The following NEDD1 variants were observed in gnomAD, a reference collection of about 807,000 sequenced individuals.
NEDD1 encodes protein NEDD1.
Under a neutral mutation model 74.0 loss-of-function variants are expected in NEDD1, and 33 were observed. That is an observed-to-expected ratio of 0.45 (90% CI 0.34 to 0.60). NEDD1 has a LOEUF of 0.60. Ranked by LOEUF, NEDD1 falls within the 20% of genes least tolerant of loss-of-function variation. NEDD1 has a pLI of 0.01. For synonymous variants in NEDD1, 250 were observed against 264.4 expected (o/e 0.95, Z 0.53); for missense variants, 746 against 776.5 (o/e 0.96, Z 0.47).
In NEDD1 at chr12:96,935,032, G is replaced by A. The variant is rs770323459; in HGVS notation, c.546G>A (p.Ser182=). 11 of 1,612,268 alleles carry A rather than the reference G, an allele frequency of 6.8e-6. No homozygotes were observed. Among genetic ancestry groups the A allele is most frequent in the East Asian group, 6.7e-5 (3 of 44,880 alleles). ...AGAAATCACTACTGGGCAGTGTTTCGGATAATGGAATAGTAACTCTCTGGG... is the reference window on the plus strand; with the variant it reads ...AGAAATCACTACTGGGCAGTGTTTCAGATAATGGAATAGTAACTCTCTGGG... The part of the protein sequence containing the change: ...LFKKSLLGSV[S]DNGIVTLWDV... Residue 182 remains serine, a synonymous_variant, in exon 7 of 16, where the codon TCG becomes TCA. Coordinates refer to ENST00000266742, the MANE Select transcript of NEDD1 (RefSeq NM_152905.4).
intron 6 of NEDD1, chr12:96,924,979 C>T (rs1019286197): frequency 2.9e-6 from 1 of 342,384 alleles, no homozygotes; most frequent in Non-Finnish European, 5.7e-6. Flanking sequence ...TATTAGGGTG[C>T]TGTATATTGT....
At position 96,912,662 on chromosome 12, in the gene NEDD1, A is replaced by C. The variant is rs561290931; in HGVS notation, c.137-61A>C. On this transcript the variant is annotated intron_variant, in intron 3 of 15. Coordinates refer to ENST00000266742, the MANE Select transcript of NEDD1 (RefSeq NM_152905.4). Reference sequence around the variant, plus strand: ...GTTAGCTTTTATAATCGCAATTCTTATAATAGTCTAGTGCTATAGATGTTC... The same window carrying C: ...GTTAGCTTTTATAATCGCAATTCTTCTAATAGTCTAGTGCTATAGATGTTC... 5 of 792,300 alleles carry C rather than the reference A, an allele frequency of 6.3e-6. No individual in the cohort carries two copies. The South Asian group carries it at 7.5e-5, about 12-fold the overall frequency. The allele number at this position is 792,300 out of a possible 1,614,324, so 49.1% of individuals were successfully genotyped here.
At chr12:96,914,714 A>G in intron 4 of NEDD1, among the ~76,000 whole-genome samples, 1 of 152,240 alleles carries the variant, frequency 6.6e-6, no homozygotes. Flanking sequence ...TTAAGTTCAT[A>G]TTTATTTTCT....
chr12:96,914,881 G>A (rs1874281676), intron 4 of NEDD1, among the ~76,000 whole-genome samples: 1 of 152,128 alleles, frequency 6.6e-6, no homozygotes, highest in Admixed American at 6.5e-5. Flanking sequence ...TATCAACAGG[G>A]TTAGCCAGCT....
chr12:96,922,919 A>C (rs180961978), intron 6 of NEDD1, among the ~76,000 whole-genome samples: 14 of 152,104 alleles, frequency 9.2e-5, no homozygotes, highest in African/African-American at 2.7e-4. Flanking sequence ...GTTCAAGACC[A>C]CCTTGGGCAA....
Position 96,937,221 on chromosome 12 carries a change from A to G in NEDD1, c.945A>G (p.Ser315=). The G allele has an allele frequency of 1.9e-6, 3 of 1,602,586 alleles. No homozygotes were observed. Among genetic ancestry groups the G allele is most frequent in the Non-Finnish European group, 2.6e-6 (3 of 1,174,640 alleles). ...LTKSSLNKGC[S]NKPTTVNKRS... ...AGTCAAGTTTAAATAAAGGCTGTTCAAATAAGCCCACAACAGTGAACAAAC... is the reference window on the plus strand; with the variant it reads ...AGTCAAGTTTAAATAAAGGCTGTTCGAATAAGCCCACAACAGTGAACAAAC... Residue 315 remains serine, a synonymous_variant, in exon 9 of 16, where the codon TCA becomes TCG. Transcript: ENST00000266742.
At chr12:96,931,395 A>G (rs1489805693) in intron 6 of NEDD1, among the ~76,000 whole-genome samples, 1 of 152,190 alleles carries the variant, frequency 6.6e-6, no homozygotes, top group Non-Finnish European at 1.5e-5. Flanking sequence ...TAGGGAAGGT[A>G]TTTACAATGT....
At chr12:96,929,365 T>C (rs1191409575) in intron 6 of NEDD1, among the ~76,000 whole-genome samples, 1 of 41,960 alleles carries the variant, frequency 2.4e-5, no homozygotes, top group South Asian at 8.4e-4. Context: ...ATTTTTTTTT[T>C]CCTTAATGTC....
At chr12:96,941,832 G>A (rs1877690628) in intron 10 of NEDD1, among the ~76,000 whole-genome samples, 1 of 152,140 alleles carries the variant, frequency 6.6e-6, no homozygotes, top group Non-Finnish European at 1.5e-5. Flanking sequence ...TGGTTCCAAA[G>A]TATTGATAAG....
chr12:96,935,871 C>G (rs1877032324), intron 7 of NEDD1, among the ~76,000 whole-genome samples: 1 of 152,110 alleles, frequency 6.6e-6, no homozygotes, highest in Non-Finnish European at 1.5e-5. Flanking sequence ...CAGTTGTATT[C>G]AAGATGCTTA....
intron 4 of NEDD1, among the ~76,000 whole-genome samples, chr12:96,916,571 C>G (rs1874485432): frequency 6.8e-6 from 1 of 146,286 alleles, no homozygotes; most frequent in Non-Finnish European, 1.5e-5. Context: ...CATGTCCCTA[C>G]AAAGGACATG....
At chr12:96,934,740 G>T (rs1280030008) in intron 6 of NEDD1, among the ~76,000 whole-genome samples, 1 of 151,984 alleles carries the variant, frequency 6.6e-6, no homozygotes, top group Non-Finnish European at 1.5e-5. Flanking sequence ...GTTTCACTAG[G>T]TTGGGCAGGC....
intron 6 of NEDD1, chr12:96,925,014 G>T (rs183562482): frequency 3.4e-6 from 1 of 291,018 alleles, no homozygotes; most frequent in Admixed American, 5.2e-5. Flanking sequence ...ATTTATGTTG[G>T]AAGTTTTACA....
In NEDD1 at chr12:96,924,378, A is replaced by G. The variant is rs534270541; in HGVS notation, c.489+4253A>G. On this transcript the variant is annotated intron_variant, in intron 6 of 15. Coordinates refer to ENST00000266742, the MANE Select transcript of NEDD1 (RefSeq NM_152905.4). ...AATCTGCTTCATTTTGATTAAGATT[A>G]TATTGGATCTATGGACCAATTTAGG... is the stretch of plus-strand genomic sequence containing the variant. Among the ~76,000 whole-genome samples, 52 of 152,344 alleles carry G rather than the reference A, an allele frequency of 3.4e-4. No individual in the cohort carries two copies. In the South Asian group the frequency reaches 0.01, roughly 30 times the overall value.
intron 2 of NEDD1, among the ~76,000 whole-genome samples, chr12:96,909,176 CAA>C (rs71307519): frequency 1.0e-4 from 11 of 107,506 alleles, no homozygotes; most frequent in South Asian, 3.0e-4. Flanking sequence ...AACTCCGTCT[CAA>C]AAAAAAAAAA....
intron 6 of NEDD1, chr12:96,924,771 TTTTA>T (rs1875511931): frequency 1.4e-5 from 6 of 426,746 alleles, no homozygotes; most frequent in South Asian, 1.0e-4. Context: ...AATGATAAGT[TTTTA>T]TTTCTTATTT....
At chr12:96,924,193 A>G (rs1372212136) in intron 6 of NEDD1, among the ~76,000 whole-genome samples, 1 of 152,226 alleles carries the variant, frequency 6.6e-6, no homozygotes, top group Non-Finnish European at 1.5e-5. Context: ...TGTTAGTTGT[A>G]GTCGTTCTAT....
At chr12:96,938,495 C>CA (rs1877349043) in intron 9 of NEDD1, among the ~76,000 whole-genome samples, 1 of 151,876 alleles carries the variant, frequency 6.6e-6, no homozygotes, top group Non-Finnish European at 1.5e-5. Flanking sequence ...GAAGTCTCTC[C>CA]ATTATTCATT....
At chr12:96,907,901 G>C in intron 2 of NEDD1, 45 bp downstream of exon 2, 1 of 1,310,004 alleles carries the variant, frequency 7.6e-7, no homozygotes, top group Non-Finnish European at 9.8e-7. Context: ...TTTAAGAGCC[G>C]AAAACAAACA....
Sources: gnomAD v4.1 joint callset for allele counts (sites outside exome capture counted in the v4.1 genomes callset) on GRCh38, gnomAD v4.1.1 for gene constraint, MANE v1.5 for transcripts, NCBI Gene and HGNC (gene_info 2026-07-23, HGNC 2026-07-21) for gene names.